Variants in SMAD3 observed in about 807,000 individuals in gnomAD.
The protein encoded by SMAD3 is MAD homolog 3.
Under a neutral mutation model 51.8 loss-of-function variants are expected in SMAD3, and 12 were observed. The ratio of observed to expected loss-of-function variants is 0.23; its 90% confidence interval spans 0.15 to 0.38. SMAD3 has a LOEUF of 0.38. Among genes scored for constraint, SMAD3 ranks in the 10% least tolerant of loss-of-function variants. The pLI, the probability that SMAD3 is intolerant of heterozygous loss-of-function variation, is 1.00. For synonymous variants in SMAD3, 238 were observed against 227.7 expected (o/e 1.05, Z -0.41); for missense variants, 294 against 565.6 (o/e 0.52, Z 4.87).
chr15:67,134,450 T>G (rs1477971516), intron 1 of SMAD3, among the ~76,000 whole-genome samples: 1 of 152,184 alleles, frequency 6.6e-6, no homozygotes, highest in African/African-American at 2.4e-5. Context: ...TGTGATGTCA[T>G]TTCCCCAGTG....
intron 1 of SMAD3, among the ~76,000 whole-genome samples, chr15:67,080,763 G>A (rs1412326811): frequency 6.6e-6 from 1 of 152,252 alleles, no homozygotes; most frequent in African/African-American, 2.4e-5. Context: ...GGCCGCTGCG[G>A]AGCAAGCACG....
At chr15:67,118,036 G>A (rs1961174706) in intron 1 of SMAD3, among the ~76,000 whole-genome samples, 1 of 152,230 alleles carries the variant, frequency 6.6e-6, no homozygotes, top group African/African-American at 2.4e-5. Flanking sequence ...AGGTTGCAGT[G>A]GGCTGAGATC....
intron 7 of SMAD3, 84 bp downstream of exon 7, chr15:67,184,948 A>G (rs1963183956): frequency 6.5e-7 from 1 of 1,532,486 alleles, no homozygotes; most frequent in African/African-American, 1.4e-5. Flanking sequence ...CACCTTTCTC[A>G]CCTTTTCTGC....
intron 1 of SMAD3, among the ~76,000 whole-genome samples, chr15:67,072,722 C>T (rs1303061109): frequency 6.6e-6 from 1 of 152,136 alleles, no homozygotes; most frequent in Admixed American, 6.5e-5. Flanking sequence ...TAACTCCTCC[C>T]TAAGGAGGGG....
chr15:67,156,343 G>A (rs1289419071), intron 1 of SMAD3, among the ~76,000 whole-genome samples: 3 of 152,188 alleles, frequency 2.0e-5, no homozygotes, highest in African/African-American at 7.2e-5. Context: ...GAGTATTTGG[G>A]GGTAAGTTCA....
chr15:67,137,978 T>C (rs1406995404), intron 1 of SMAD3: 1 of 1,361,408 alleles, frequency 7.3e-7, no homozygotes. Context: ...ATTGTCCTTA[T>C]CATCAGAATC....
intron 1 of SMAD3, among the ~76,000 whole-genome samples, chr15:67,091,556 G>C (rs1960509446): frequency 6.6e-6 from 1 of 152,180 alleles, no homozygotes; most frequent in Non-Finnish European, 1.5e-5. Context: ...ACAGGGATTG[G>C]TTTCCTTAGA....
intron 1 of SMAD3, among the ~76,000 whole-genome samples, chr15:67,127,282 T>A (rs1445854730): frequency 6.6e-6 from 1 of 152,182 alleles, no homozygotes; most frequent in Non-Finnish European, 1.5e-5. Context: ...GTCTCCTCCC[T>A]CTGTTTCTGC....
At chr15:67,076,373 C>T (rs1050774908) in intron 1 of SMAD3, among the ~76,000 whole-genome samples, 8 of 152,174 alleles carry the variant, frequency 5.3e-5, no homozygotes, top group South Asian at 2.1e-4. Context: ...GAAGCAGAAA[C>T]GCAGTGACTC....
At chr15:67,087,385 G>A (rs1458630320) in intron 1 of SMAD3, among the ~76,000 whole-genome samples, 1 of 152,160 alleles carries the variant, frequency 6.6e-6, no homozygotes, top group Non-Finnish European at 1.5e-5. Flanking sequence ...ATTACCATCT[G>A]CCCACCTGAG....
At chr15:67,112,154 C>CTTT (rs753530213) in intron 1 of SMAD3, among the ~76,000 whole-genome samples, 7 of 90,424 alleles carry the variant, frequency 7.7e-5, no homozygotes, top group Admixed American at 4.6e-4. Context: ...TTTTTCTTTC[C>CTTT]TTTTTTTTTT....
intron 7 of SMAD3, 43 bp from the exon 8 acceptor site, chr15:67,187,322 G>A: frequency 6.2e-7 from 1 of 1,613,806 alleles, no homozygotes. Context: ...CAACGGACCT[G>A]GCCACTTCCA....
intron 7 of SMAD3, chr15:67,187,117 A>G (rs1963241532): frequency 3.0e-6 from 2 of 658,270 alleles, no homozygotes; most frequent in Non-Finnish European, 2.8e-6. Context: ...CCAGCCTTCC[A>G]TCTCCCCTTG....
intron 7 of SMAD3, chr15:67,186,827 G>A: frequency 2.9e-6 from 1 of 345,528 alleles, no homozygotes; most frequent in South Asian, 2.2e-5. Context: ...GGTGGAGGGT[G>A]CACTGGGCCC....
chr15:67,122,904 G>A (rs918769264), intron 1 of SMAD3, among the ~76,000 whole-genome samples: 4 of 152,072 alleles, frequency 2.6e-5, no homozygotes, highest in Admixed American at 6.5e-5. Flanking sequence ...AAATACTTGC[G>A]TCCGGGCATG....
intron 6 of SMAD3, 104 bp from the exon 7 acceptor site, chr15:67,184,623 G>T (rs1963170180): frequency 7.0e-7 from 1 of 1,421,206 alleles, no homozygotes; most frequent in Non-Finnish European, 9.9e-7. Flanking sequence ...GGCAGTCACT[G>T]GGAGCAGCTC....
At chr15:67,154,993 A>G (rs1962243941) in intron 1 of SMAD3, among the ~76,000 whole-genome samples, 1 of 152,224 alleles carries the variant, frequency 6.6e-6, no homozygotes, top group African/African-American at 2.4e-5. Flanking sequence ...TTGCAAGGAA[A>G]GAGGCAATTG....
In SMAD3 at chr15:67,187,557, T is replaced by G. The variant is rs371970069; in HGVS notation, c.1154+48T>G. The G allele has an allele frequency of 7.1e-4, 1,144 of 1,607,978 alleles. 1 individual carries two copies. Among genetic ancestry groups the G allele is most frequent in the Non-Finnish European group, 8.0e-4 (936 of 1,174,492 alleles). On this transcript the variant is annotated intron_variant, in intron 8 of 8. Coordinates refer to ENST00000327367, the MANE Select transcript of SMAD3 (RefSeq NM_005902.4). The stretch of plus-strand genomic sequence containing the variant: ...ATCAGGGGACCCAACTCCAGGTGAC[T>G]CTGGACAGCAGAGCAGGCAGGGCTC...
intron 1 of SMAD3, among the ~76,000 whole-genome samples, chr15:67,103,084 T>G (rs1960796885): frequency 6.6e-6 from 1 of 152,202 alleles, no homozygotes; most frequent in African/African-American, 2.4e-5. Context: ...TTAATTTGGC[T>G]CTTTTCTGTG....
Sources: allele counts gnomAD v4.1 joint callset (sites outside exome capture counted in the v4.1 genomes callset), GRCh38; gene constraint gnomAD v4.1.1; transcripts MANE v1.5; gene names NCBI Gene and HGNC (gene_info 2026-07-23, HGNC 2026-07-21).